The following NAALADL2 variants were observed in gnomAD, a reference collection of about 807,000 sequenced individuals.
The protein encoded by NAALADL2 is inactive N-acetylated-alpha-linked acidic dipeptidase-like protein 2.
Under a neutral mutation model 87.2 loss-of-function variants are expected in NAALADL2, and 76 were observed. The ratio of observed to expected loss-of-function variants is 0.87; its 90% confidence interval spans 0.72 to 1.05. The LOEUF is 1.05. NAALADL2 is among the 50% of genes least tolerant of loss of function. The pLI is 0.00. For synonymous variants in NAALADL2, 354 were observed against 331.0 expected, an observed-to-expected ratio of 1.07 and a Z score of -0.75; for missense variants, 1,089 against 945.8, an observed-to-expected ratio of 1.15 and a Z score of -1.99.
At chr3:175,445,039 T>G (rs949981880) in intron 5 of NAALADL2, among the ~76,000 whole-genome samples, 3 of 152,166 alleles carry the variant, frequency 2.0e-5, no homozygotes, top group Non-Finnish European at 4.4e-5. Context: ...TCCCGTCAAT[T>G]AAATTCTGAG....
intron 9 of NAALADL2, chr3:175,487,478 C>T: frequency 4.4e-6 from 2 of 454,822 alleles, no homozygotes; most frequent in African/African-American, 2.0e-5. Flanking sequence ...TTTGCCCATC[C>T]AAAGCACTAT....
chr3:174,934,632 T>G (rs1309007795), intron 1 of NAALADL2, among the ~76,000 whole-genome samples: 1 of 152,016 alleles, frequency 6.6e-6, no homozygotes, highest in African/African-American at 2.4e-5. Flanking sequence ...GGCAACATGC[T>G]GAGACCTCGT....
intron 11 of NAALADL2, among the ~76,000 whole-genome samples, chr3:175,665,137 A>G (rs1732778984): frequency 2.0e-5 from 3 of 152,202 alleles, no homozygotes; most frequent in Non-Finnish European, 4.4e-5. Flanking sequence ...CTCATCCATC[A>G]AAGTTCATGA....
intron 2 of NAALADL2, among the ~76,000 whole-genome samples, chr3:175,183,396 G>T (rs7636758): frequency 0.11 from 16,027 of 151,850 alleles, 963 homozygotes; most frequent in African/African-American, 0.14. Context: ...GGTGAGAGTG[G>T]GCATCCTTGT....
intron 1 of NAALADL2, among the ~76,000 whole-genome samples, chr3:175,082,239 A>G (rs1718009022): frequency 6.6e-6 from 1 of 152,220 alleles, no homozygotes; most frequent in Non-Finnish European, 1.5e-5. Context: ...TAATAATGAC[A>G]TCTTTAATCT....
At chr3:174,815,634 T>C (rs1027678270) in intron 3 of NAALADL2, among the ~76,000 whole-genome samples, 2 of 152,218 alleles carry the variant, frequency 1.3e-5, no homozygotes, top group East Asian at 3.9e-4. Context: ...AACAGTTACA[T>C]TGGTTTATGT....
chr3:175,182,550 GTTTTTTT>G (rs1161831796), intron 2 of NAALADL2, among the ~76,000 whole-genome samples: 2 of 69,440 alleles, frequency 2.9e-5, no homozygotes, highest in African/African-American at 1.2e-4. Context: ...ACCACAGCCA[GTTTTTTT>G]TTTTTTTTTT....
chr3:175,391,718 T>C (rs1052691592), intron 5 of NAALADL2, among the ~76,000 whole-genome samples: 1 of 152,112 alleles, frequency 6.6e-6, no homozygotes, highest in Non-Finnish European at 1.5e-5. Flanking sequence ...AGTTTGCAAA[T>C]GAGGGTGGAG....
intron 9 of NAALADL2, among the ~76,000 whole-genome samples, chr3:175,554,250 CCAGGGT>C (rs2149496909): frequency 1.3e-5 from 2 of 152,226 alleles, no homozygotes; most frequent in African/African-American, 4.8e-5. Flanking sequence ...GATTTGTAAG[CCAGGGT>C]CAGTTTTTCA....
intron 1 of NAALADL2, among the ~76,000 whole-genome samples, chr3:175,055,945 C>T (rs113714568): frequency 6.6e-6 from 1 of 151,998 alleles, no homozygotes; most frequent in Non-Finnish European, 1.5e-5. Context: ...GAAAAAGGAC[C>T]AAATGTAGCT....
intron 1 of NAALADL2, among the ~76,000 whole-genome samples, chr3:174,956,617 C>T (rs1246504788): frequency 1.3e-5 from 2 of 152,058 alleles, no homozygotes; most frequent in African/African-American, 4.8e-5. Context: ...AGCCATTAGG[C>T]TTTATGTATA....
At chr3:175,028,773 T>A (rs77001448) in intron 1 of NAALADL2, among the ~76,000 whole-genome samples, 3,469 of 151,934 alleles carry the variant, frequency 0.023, 54 homozygotes, top group Non-Finnish European at 0.034. Flanking sequence ...CTCTCAATAC[T>A]TTTTTTAGAA....
At chr3:175,032,392 T>A (rs1231763269) in intron 1 of NAALADL2, among the ~76,000 whole-genome samples, 1 of 151,706 alleles carries the variant, frequency 6.6e-6, no homozygotes, top group African/African-American at 2.4e-5. Context: ...CTTGAGTAAA[T>A]TCAGTGATTT....
intron 1 of NAALADL2, among the ~76,000 whole-genome samples, chr3:174,480,580 T>C (rs559047375): frequency 1.3e-5 from 2 of 152,166 alleles, no homozygotes; most frequent in Non-Finnish European, 2.9e-5. Flanking sequence ...GTATCCCCTG[T>C]CATCTCTGAT....
chr3:175,326,793 T>A (rs1318090840), intron 5 of NAALADL2, among the ~76,000 whole-genome samples: 1 of 152,172 alleles, frequency 6.6e-6, no homozygotes, highest in Admixed American at 6.5e-5. Context: ...CCTGCTCTCA[T>A]GATAACAGCA....
intron 4 of NAALADL2, among the ~76,000 whole-genome samples, chr3:175,276,437 G>A (rs1013793330): frequency 1.3e-5 from 2 of 151,880 alleles, no homozygotes; most frequent in Non-Finnish European, 2.9e-5. Context: ...CCAAGTAGCT[G>A]GGACTACAGG....
intron 2 of NAALADL2, among the ~76,000 whole-genome samples, chr3:175,220,959 G>A (rs770738663): frequency 6.6e-6 from 1 of 152,120 alleles, no homozygotes; most frequent in Non-Finnish European, 1.5e-5. Context: ...CACTTTGGGA[G>A]GCTGAGGTGG....
chr3:174,880,758 A>G (rs1050542570), intron 1 of NAALADL2, among the ~76,000 whole-genome samples: 1 of 152,148 alleles, frequency 6.6e-6, no homozygotes, highest in African/African-American at 2.4e-5. Context: ...GGCTGCTGTA[A>G]CACATTTCTA....
intron 1 of NAALADL2, among the ~76,000 whole-genome samples, chr3:174,962,433 G>GTCATAGTCACTATGACATATATATA (rs1742245895): frequency 3.8e-5 from 2 of 52,240 alleles, no homozygotes; most frequent in African/African-American, 1.3e-4. Flanking sequence ...ATATATATAT[G>GTCATAGTCACTATGACATATATATA]TATATTTTTA....
Sources: gnomAD v4.1 joint callset for allele counts (sites outside exome capture counted in the v4.1 genomes callset) on GRCh38, gnomAD v4.1.1 for gene constraint, MANE v1.5 for transcripts, NCBI Gene and HGNC (gene_info 2026-07-23, HGNC 2026-07-21) for gene names.